Variants in PKHD1 observed in about 807,000 individuals in gnomAD.
PKHD1 encodes fibrocystin.
PKHD1 carries 291 observed loss-of-function variants against 412.0 expected under a neutral mutation model. The ratio of observed to expected loss-of-function variants is 0.71; its 90% CI spans 0.64 to 0.78. PKHD1 has a LOEUF of 0.78. Ranked by LOEUF, PKHD1 falls within the 30% of genes least tolerant of loss-of-function variation. The probability of loss-of-function intolerance (pLI) is 0.00; values close to 1 mark genes in which losing one functional copy is unlikely to be tolerated. For synonymous variants in PKHD1, 1,777 were observed against 1,821.5 expected (o/e 0.98, Z 0.62); for missense variants, 4,825 against 4,950.7 (o/e 0.97, Z 0.76).
At chr6:52,009,256 A>G (rs1279232647) in intron 35 of PKHD1, among the ~76,000 whole-genome samples, 1 of 152,220 alleles carries the variant, frequency 6.6e-6, no homozygotes, top group Non-Finnish European at 1.5e-5. Flanking sequence ...CACAGAGTGG[A>G]CAGTTGAGGA....
intron 36 of PKHD1, among the ~76,000 whole-genome samples, chr6:51,958,789 T>C (rs1399112182): frequency 6.6e-6 from 1 of 150,780 alleles, no homozygotes; most frequent in Non-Finnish European, 1.5e-5. Flanking sequence ...TGACTGTCTA[T>C]AGTGGCATTC....
Position 52,027,710 on chromosome 6 carries a change from T to A in PKHD1, c.3628+119A>T. On this transcript the variant is annotated intron_variant, in intron 31 of 66. Coordinates refer to ENST00000371117, the MANE Select transcript of PKHD1 (RefSeq NM_138694.4). ...CTCAGTTCCTGGAGCCCGAGGAAAGTTTCTCTCCTGTTTCCCCTCTCTCTG... is the reference window on the plus strand; with the variant it reads ...CTCAGTTCCTGGAGCCCGAGGAAAGATTCTCTCCTGTTTCCCCTCTCTCTG... The A allele has an allele frequency of 5.2e-6, 4 of 768,074 alleles. No individual in the cohort carries two copies. The South Asian group carries it at 5.9e-5, about 11-fold the overall frequency. 47.6% of individuals were successfully genotyped at this position (768,074 alleles called of 1,614,324 possible).
At chr6:51,737,247 G>A (rs1371219668) in intron 60 of PKHD1, among the ~76,000 whole-genome samples, 3 of 152,102 alleles carry the variant, frequency 2.0e-5, no homozygotes, top group Non-Finnish European at 4.4e-5. Flanking sequence ...ATAATGCCAA[G>A]GAAAGTGTGG....
chr6:52,022,989 C>T (rs776380940), intron 32 of PKHD1, 45 bp from the exon 33 acceptor site: 1 of 1,609,518 alleles, frequency 6.2e-7, no homozygotes, highest in South Asian at 1.1e-5. Context: ...AGGCAAATCT[C>T]CCTTCTTTAC....
chr6:52,086,270 C>G (rs530098873), intron 1 of PKHD1, among the ~76,000 whole-genome samples: 2 of 151,458 alleles, frequency 1.3e-5, no homozygotes, highest in South Asian at 4.2e-4. Context: ...GCCACCACAC[C>G]CGGCTAATTT....
intron 54 of PKHD1, 72 bp downstream of exon 54, chr6:51,775,736 C>A: frequency 2.6e-6 from 2 of 784,218 alleles, no homozygotes; most frequent in Non-Finnish European, 4.5e-6. Context: ...AATAGTATTT[C>A]TCTATCAGAC....
At chr6:51,907,650 A>G (rs947798127) in intron 40 of PKHD1, among the ~76,000 whole-genome samples, 2 of 152,134 alleles carry the variant, frequency 1.3e-5, no homozygotes, top group African/African-American at 4.8e-5. Flanking sequence ...ACTTAAAATT[A>G]AATTAAATTT....
chr6:51,764,869 CT>C (rs1172555973), intron 55 of PKHD1, among the ~76,000 whole-genome samples: 1 of 152,054 alleles, frequency 6.6e-6, no homozygotes, highest in Non-Finnish European at 1.5e-5. Context: ...TCTCAATCAC[CT>C]GTGTTGACTC....
chr6:51,843,767 G>C (rs539551794), intron 50 of PKHD1, among the ~76,000 whole-genome samples: 19 of 152,316 alleles, frequency 1.2e-4, no homozygotes, highest in African/African-American at 4.1e-4. Flanking sequence ...GTGCACACAA[G>C]GTTCTTCACT....
At chr6:51,935,071 A>T (rs910748290) in intron 36 of PKHD1, among the ~76,000 whole-genome samples, 6 of 152,146 alleles carry the variant, frequency 3.9e-5, no homozygotes, top group African/African-American at 1.4e-4. Context: ...ACTTGCATCA[A>T]ATGCTTTGAT....
chr6:51,807,674 T>C (rs9474080), intron 52 of PKHD1, among the ~76,000 whole-genome samples: 90,573 of 151,540 alleles, frequency 0.6, 27,470 homozygotes, highest in East Asian at 0.78. Flanking sequence ...GTTAATGAAA[T>C]TAATGCACAT....
At chr6:51,660,084 C>G in intron 60 of PKHD1, 115 bp from the exon 61 acceptor site, 4 of 695,254 alleles carry the variant, frequency 5.8e-6, no homozygotes, top group Non-Finnish European at 9.7e-6. Flanking sequence ...TATTAAACAT[C>G]TAATTGTGCC....
chr6:51,936,541 G>A (rs886419998), intron 36 of PKHD1, among the ~76,000 whole-genome samples: 1 of 152,048 alleles, frequency 6.6e-6, no homozygotes, highest in African/African-American at 2.4e-5. Context: ...GAAATGAGAG[G>A]GAGAGAGGAA....
At chr6:51,640,373 T>G (rs1769187776) in intron 63 of PKHD1, among the ~76,000 whole-genome samples, 3 of 152,212 alleles carry the variant, frequency 2.0e-5, no homozygotes, top group Admixed American at 2.0e-4. Context: ...CTTAGAGATC[T>G]CTACAAAGAT....
In PKHD1 at chr6:51,825,600, A is replaced by G. The variant is rs954005838; in HGVS notation, c.8302+5261T>C. Among the ~76,000 whole-genome samples the G allele has an allele frequency of 3.3e-5, 5 of 152,154 alleles. No homozygotes were observed. The East Asian group carries it at 9.6e-4, about 29-fold the overall frequency. ...TAAAGGCAGCCAAGGTGAGCCTTTC[A>G]ATGACCACAGTCCAGCCACTATCTA... On this transcript the variant is annotated intron_variant, in intron 52 of 66. Coordinates refer to ENST00000371117, the MANE Select transcript of PKHD1 (RefSeq NM_138694.4).
chr6:51,871,205 T>C (rs539651239), intron 46 of PKHD1, among the ~76,000 whole-genome samples: 1 of 152,272 alleles, frequency 6.6e-6, no homozygotes, highest in South Asian at 2.1e-4. Flanking sequence ...AAAACTTACA[T>C]TTATATAAAA....
chr6:52,069,578 C>CA, intron 10 of PKHD1, 51 bp from the exon 11 acceptor site: 2 of 1,431,988 alleles, frequency 1.4e-6, no homozygotes, highest in Non-Finnish European at 2.0e-6. Context: ...ACTGGGATTG[C>CA]ATTTTTTTTA....
rs1455345526 is a variant in PKHD1 at position 51,836,440 on chromosome 6, G to C, written c.8137C>G (p.Leu2713Val). The C allele has an allele frequency of 1.9e-6, 3 of 1,613,176 alleles. No individual in the cohort carries two copies. In the South Asian group the frequency reaches 3.3e-5, roughly 18 times the overall value. Residue 2713 changes from leucine (L) to valine (V), a missense_variant, in exon 51 of 67, where the codon CTC becomes GTC. Leu to Val is a conservative substitution (Grantham distance 32). Coordinates refer to ENST00000371117, the MANE Select transcript of PKHD1 (RefSeq NM_138694.4). ...VSGEGQVQVI[L>V]RVKEGMPPTI... The stretch of plus-strand genomic sequence containing the variant: ...GGGGGCATACCTTCCTTCACCCGGA[G>C]AATGACTTGAACTTGGCCTTCACCT...
chr6:51,915,863 G>A (rs183739615), intron 37 of PKHD1, among the ~76,000 whole-genome samples: 5 of 152,150 alleles, frequency 3.3e-5, no homozygotes, highest in Non-Finnish European at 5.9e-5. Flanking sequence ...AAAACACATT[G>A]TGAGAACACG....
Sources: allele counts gnomAD v4.1 joint callset (sites outside exome capture counted in the v4.1 genomes callset), GRCh38; gene constraint gnomAD v4.1.1; transcripts MANE v1.5; gene names NCBI Gene and HGNC (gene_info 2026-07-23, HGNC 2026-07-21).